PRKCA: variants seen among roughly 807,000 people sequenced by gnomAD.
PRKCA encodes the protein protein kinase C alpha, also known as protein kinase C alpha type.
A neutral mutation model predicts 87.0 loss-of-function variants in PRKCA; 27 were observed. The ratio of observed to expected loss-of-function variants is 0.31; its 90% CI spans 0.23 to 0.43. The LOEUF (loss-of-function observed/expected upper bound fraction) is 0.43, where lower values mean the gene tolerates loss of function less well. PRKCA is among the 20% of genes least tolerant of loss of function. The pLI is 1.00. For synonymous variants in PRKCA, 329 were observed against 311.1 expected, an observed-to-expected ratio of 1.06 and a Z score of -0.61; for missense variants, 518 against 852.3, an observed-to-expected ratio of 0.61 and a Z score of 4.88.
chr17:66,679,712 C>T lies in PRKCA; in HGVS notation c.530-7399C>T, dbSNP rs572784987. On this transcript the variant is annotated intron_variant, in intron 5 of 16. Transcript: ENST00000413366. ...CTTTCCTCCTCGTTCTCCTGAGCAA[C>T]GTTTTCCTCCATCCCCTCCTAGCTG... Among the ~76,000 whole-genome samples the T allele has an allele frequency of 4.6e-5, 7 of 152,332 alleles. No individual in the cohort carries two copies. The East Asian group carries it at 1.2e-3, about 25-fold the overall frequency.
chr17:66,374,410 T>G (rs1909297092), intron 2 of PRKCA, among the ~76,000 whole-genome samples: 1 of 152,162 alleles, frequency 6.6e-6, no homozygotes, highest in East Asian at 1.9e-4. Context: ...CTGGGTTTGG[T>G]GCTATCAAGG....
rs1287382201 is a variant in PRKCA, at chr17:66,302,780, C to T, written c.-72C>T. 5.1e-6 allele frequency: 7 copies of T among 1,360,716 alleles called. No individual in the cohort carries two copies. The highest frequency in any genetic ancestry group is 1.5e-5 in the African/African-American group (1 of 64,568). 84.3% of individuals were successfully genotyped at this position (1,360,716 alleles called of 1,614,324 possible). On this transcript the variant is annotated 5_prime_UTR_variant, in exon 1 of 17. Coordinates refer to ENST00000413366, the MANE Select transcript of PRKCA (RefSeq NM_002737.3). The stretch of plus-strand genomic sequence containing the variant: ...TCGCCCCGAGCCCGCACCTCTCCCC[C>T]GCCGCCCCCGCCCACCCGGCCCTCC...
At chr17:66,710,897 G>T (rs1022289005) in intron 8 of PRKCA, among the ~76,000 whole-genome samples, 10 of 151,804 alleles carry the variant, frequency 6.6e-5, no homozygotes, top group South Asian at 2.1e-4. Context: ...ACAAAAATTA[G>T]CCAGTCATGA....
chr17:66,384,474 C>T (rs545566845), intron 2 of PRKCA, among the ~76,000 whole-genome samples: 248 of 152,260 alleles, frequency 1.6e-3, no homozygotes, highest in Non-Finnish European at 2.9e-3. Flanking sequence ...TGAAGATTTG[C>T]TCATTTTTAG....
chr17:66,505,286 T>C (rs1916925996), intron 3 of PRKCA, among the ~76,000 whole-genome samples: 1 of 151,206 alleles, frequency 6.6e-6, no homozygotes, highest in Non-Finnish European at 1.5e-5. Context: ...AGTGGGGGAG[T>C]GGGTGGCATG....
chr17:66,741,744 C>G (rs776681881), intron 12 of PRKCA, 23 bp downstream of exon 12: 1 of 1,609,712 alleles, frequency 6.2e-7, no homozygotes, highest in Non-Finnish European at 8.5e-7. Context: ...GCCCTCCTAC[C>G]AGCAGCTCAG....
chr17:66,686,457 A>G (rs1408635994), intron 5 of PRKCA, among the ~76,000 whole-genome samples: 1 of 152,228 alleles, frequency 6.6e-6, no homozygotes, highest in Non-Finnish European at 1.5e-5. Flanking sequence ...TTACAACTGT[A>G]TACAGCAGTG....
At chr17:66,763,940 G>A (rs1181119997) in intron 13 of PRKCA, among the ~76,000 whole-genome samples, 4 of 152,104 alleles carry the variant, frequency 2.6e-5, no homozygotes, top group African/African-American at 7.2e-5. Context: ...AAGCATTTGG[G>A]CCCCTTTTCA....
chr17:66,408,433 T>A (rs1354053314), intron 2 of PRKCA, among the ~76,000 whole-genome samples: 1 of 152,198 alleles, frequency 6.6e-6, no homozygotes, highest in African/African-American at 2.4e-5. Flanking sequence ...AACTAGTTTG[T>A]AAAAATGAGG....
At chr17:66,610,282 G>A (rs1281928105) in intron 3 of PRKCA, among the ~76,000 whole-genome samples, 1 of 152,082 alleles carries the variant, frequency 6.6e-6, no homozygotes. Context: ...TGTGAGGAGG[G>A]GCCCAGAGCT....
intron 2 of PRKCA, among the ~76,000 whole-genome samples, chr17:66,478,532 G>A (rs1915633077): frequency 6.6e-6 from 1 of 152,034 alleles, no homozygotes; most frequent in Non-Finnish European, 1.5e-5. Context: ...GGGATTACAG[G>A]CATGGACCAC....
chr17:66,728,763 G>C (rs974312816), intron 8 of PRKCA, among the ~76,000 whole-genome samples: 1 of 152,232 alleles, frequency 6.6e-6, no homozygotes, highest in Non-Finnish European at 1.5e-5. Context: ...CACATCCCCT[G>C]ACTGTGGTGG....
chr17:66,773,210 C>A (rs1220848337), intron 13 of PRKCA, among the ~76,000 whole-genome samples: 1 of 152,200 alleles, frequency 6.6e-6, no homozygotes, highest in Non-Finnish European at 1.5e-5. Context: ...TATCATCTGA[C>A]ATCCAGATTG....
chr17:66,603,260 C>T (rs1272470275), intron 3 of PRKCA, among the ~76,000 whole-genome samples: 1 of 152,170 alleles, frequency 6.6e-6, no homozygotes, highest in Non-Finnish European at 1.5e-5. Context: ...TGGCCCCCAG[C>T]CCTTTCCTGA....
intron 5 of PRKCA, among the ~76,000 whole-genome samples, chr17:66,674,399 G>T (rs1972271057): frequency 6.6e-6 from 1 of 152,238 alleles, no homozygotes; most frequent in Admixed American, 6.5e-5. Flanking sequence ...CACGCATGGT[G>T]CTGTGCTGGG....
intron 2 of PRKCA, among the ~76,000 whole-genome samples, chr17:66,361,067 G>T (rs1449292694): frequency 6.6e-6 from 1 of 152,096 alleles, no homozygotes; most frequent in Admixed American, 6.5e-5. Context: ...TTTCACTGAA[G>T]ATTATTTACA....
intron 5 of PRKCA, among the ~76,000 whole-genome samples, chr17:66,653,791 TAAA>T (rs550316151): frequency 0.018 from 1,894 of 102,520 alleles, 50 homozygotes; most frequent in African/African-American, 0.061. Context: ...TTCCAGCTCT[TAAA>T]AAAAAAAAAA....
rs187813346 is a variant in PRKCA, at chr17:66,414,129, A to G, written c.206-82072A>G. On this transcript the variant is annotated intron_variant, in intron 2 of 16. Coordinates refer to ENST00000413366, the MANE Select transcript of PRKCA (RefSeq NM_002737.3). ...GAGCTCTACATCAGGAACTAAATGT[A>G]TACCAGTGATATGGTTTGGATCTGC... Among the ~76,000 whole-genome samples, 471 of 152,284 alleles carry G rather than the reference A, an allele frequency of 3.1e-3. 2 individuals are homozygous for G. Among genetic ancestry groups the G allele is most frequent in the African/African-American group, 0.011 (457 of 41,564 alleles).
chr17:66,746,061 A>G (rs1456886135), intron 13 of PRKCA, among the ~76,000 whole-genome samples: 5 of 150,788 alleles, frequency 3.3e-5, no homozygotes, highest in East Asian at 2.0e-4. Context: ...ATGAAAATCT[A>G]TATGTGGATT....
Sources: allele counts gnomAD v4.1 joint callset (sites outside exome capture counted in the v4.1 genomes callset), GRCh38; gene constraint gnomAD v4.1.1; transcripts MANE v1.5; gene names NCBI Gene and HGNC (gene_info 2026-07-23, HGNC 2026-07-21).